The following TAFA1 variants were observed in gnomAD, a reference collection of about 807,000 sequenced individuals.
TAFA1 encodes chemokine-like protein TAFA-1.
A neutral mutation model predicts 18.5 loss-of-function variants in TAFA1; 4 were observed. The ratio of observed to expected loss-of-function variants is 0.22; its 90% confidence interval spans 0.11 to 0.49. The LOEUF is 0.49. Among genes scored for constraint, TAFA1 ranks in the 20% least tolerant of loss-of-function variants. TAFA1 has a pLI of 0.98. For missense variants in TAFA1, 147 were observed against 169.0 expected (o/e 0.87, Z 0.72); for synonymous variants, 56 against 55.2 (o/e 1.01, Z -0.06).
intron 2 of TAFA1, among the ~76,000 whole-genome samples, chr3:68,187,085 T>C (rs1317899919): frequency 1.3e-5 from 2 of 152,028 alleles, no homozygotes; most frequent in Non-Finnish European, 2.9e-5. Flanking sequence ...TTGTCAATAA[T>C]GAAACCTTGA....
chr3:68,069,269 C>A (rs568738604), intron 2 of TAFA1, among the ~76,000 whole-genome samples: 3 of 152,262 alleles, frequency 2.0e-5, no homozygotes, highest in African/African-American at 7.2e-5. Context: ...GGAGGCCTTA[C>A]AATCATGGCA....
At chr3:68,439,441 A>ATATATG (rs1368084224) in intron 3 of TAFA1, among the ~76,000 whole-genome samples, 1 of 128,716 alleles carries the variant, frequency 7.8e-6, no homozygotes, top group Non-Finnish European at 1.7e-5. Flanking sequence ...ATATATATAT[A>ATATATG]TATGAGTTTA....
intron 2 of TAFA1, among the ~76,000 whole-genome samples, chr3:68,242,796 C>G (rs1189374811): frequency 6.6e-6 from 1 of 151,934 alleles, no homozygotes; most frequent in Admixed American, 6.6e-5. Flanking sequence ...CATATGGTGA[C>G]TCTTAAGTAA....
chr3:68,199,408 G>A (rs2066448042), intron 2 of TAFA1, among the ~76,000 whole-genome samples: 1 of 151,372 alleles, frequency 6.6e-6, no homozygotes, highest in Admixed American at 6.6e-5. Context: ...AATTTTCTGG[G>A]ATTTTGACTG....
intron 2 of TAFA1, among the ~76,000 whole-genome samples, chr3:68,379,083 C>A (rs959570494): frequency 2.0e-5 from 3 of 152,148 alleles, no homozygotes; most frequent in African/African-American, 7.2e-5. Flanking sequence ...GAGGAATCAC[C>A]ACATTGTCTT....
chr3:68,090,309 C>A (rs114268701), intron 2 of TAFA1, among the ~76,000 whole-genome samples: 1 of 152,130 alleles, frequency 6.6e-6, no homozygotes. Flanking sequence ...AGCGAGATCA[C>A]GTGTACCCTT....
At chr3:68,529,444 A>G (rs2073156780) in intron 3 of TAFA1, among the ~76,000 whole-genome samples, 1 of 72,216 alleles carries the variant, frequency 1.4e-5, no homozygotes, top group African/African-American at 8.2e-5. Context: ...TCTAAAAAAA[A>G]AAAAAAAAAA....
chr3:68,138,356 G>T (rs1269904165), intron 2 of TAFA1, among the ~76,000 whole-genome samples: 1 of 152,152 alleles, frequency 6.6e-6, no homozygotes, highest in Non-Finnish European at 1.5e-5. Context: ...CAAGGCAAAA[G>T]TCACCAGGAG....
chr3:68,308,193 C>T (rs886809439), intron 2 of TAFA1, among the ~76,000 whole-genome samples: 2 of 152,074 alleles, frequency 1.3e-5, no homozygotes, highest in Non-Finnish European at 2.9e-5. Flanking sequence ...AGGCTTTATA[C>T]TGAAGGTAAT....
chr3:68,537,476 C>T (rs2073294354), intron 3 of TAFA1, among the ~76,000 whole-genome samples: 1 of 152,218 alleles, frequency 6.6e-6, no homozygotes, highest in African/African-American at 2.4e-5. Flanking sequence ...GAAAAGGAGG[C>T]CTGGCTAGCA....
intron 2 of TAFA1, among the ~76,000 whole-genome samples, chr3:68,245,289 T>C (rs1035715370): frequency 3.9e-5 from 6 of 152,216 alleles, no homozygotes; most frequent in African/African-American, 1.4e-4. Flanking sequence ...TTACTTGGTT[T>C]GTATTTAACA....
intron 2 of TAFA1, among the ~76,000 whole-genome samples, chr3:68,212,096 G>T (rs1344498701): frequency 6.6e-6 from 1 of 151,950 alleles, no homozygotes; most frequent in East Asian, 1.9e-4. Flanking sequence ...GGTAGCCACA[G>T]TGGGCTTTCC....
chr3:68,529,271 G>C (rs949162236), intron 3 of TAFA1, among the ~76,000 whole-genome samples: 6 of 151,710 alleles, frequency 4.0e-5, no homozygotes, highest in Admixed American at 2.6e-4. Context: ...TCTAGTGCAA[G>C]CATGTAAAAT....
At chr3:68,175,556 CA>C (rs775564680) in intron 2 of TAFA1, among the ~76,000 whole-genome samples, 4 of 152,192 alleles carry the variant, frequency 2.6e-5, no homozygotes, top group Non-Finnish European at 5.9e-5. Context: ...TTTGTGCTTG[CA>C]TGGGGCCTGT....
chr3:68,009,379 T>C (rs1704426730), intron 2 of TAFA1, among the ~76,000 whole-genome samples: 1 of 152,246 alleles, frequency 6.6e-6, no homozygotes, highest in Non-Finnish European at 1.5e-5. Flanking sequence ...GAGAATCACA[T>C]ATTAGGTTCT....
intron 2 of TAFA1, among the ~76,000 whole-genome samples, chr3:68,214,125 T>A (rs1197765473): frequency 6.6e-6 from 1 of 152,078 alleles, no homozygotes; most frequent in African/African-American, 2.4e-5. Flanking sequence ...ATTTGCTTGT[T>A]AGAAGGAATG....
At chr3:68,227,918 C>T (rs1174881264) in intron 2 of TAFA1, among the ~76,000 whole-genome samples, 1 of 152,136 alleles carries the variant, frequency 6.6e-6, no homozygotes, top group Non-Finnish European at 1.5e-5. Context: ...AATCTTTTAT[C>T]ACTGGCCGTA....
intron 2 of TAFA1, among the ~76,000 whole-genome samples, chr3:68,299,437 T>C (rs754587178): frequency 9.8e-5 from 15 of 152,298 alleles, no homozygotes; most frequent in Middle Eastern, 3.4e-3. Flanking sequence ...GTTTTACGTA[T>C]TCACAAAGAG....
chr3:68,185,213 G>T (rs564194317), intron 2 of TAFA1, among the ~76,000 whole-genome samples: 3 of 152,240 alleles, frequency 2.0e-5, no homozygotes, highest in Admixed American at 2.0e-4. Context: ...CTGGAAGGAT[G>T]AGTAGGAGCC....
Sources: gnomAD v4.1 joint callset for allele counts (sites outside exome capture counted in the v4.1 genomes callset) on GRCh38, gnomAD v4.1.1 for gene constraint, MANE v1.5 for transcripts, NCBI Gene and HGNC (gene_info 2026-07-23, HGNC 2026-07-21) for gene names.